Variants in ATL1 observed in about 807,000 individuals in gnomAD.
ATL1 encodes the protein atlastin GTPase 1, also known as atlastin-1.
A neutral mutation model predicts 75.5 loss-of-function variants in ATL1; 31 were observed. The observed-to-expected ratio is 0.41, with a 90% CI of 0.31 to 0.55. The LOEUF (loss-of-function observed/expected upper bound fraction) is 0.55, where lower values mean the gene tolerates loss of function less well. Among genes scored for constraint, ATL1 ranks in the 20% least tolerant of loss-of-function variants. ATL1 has a pLI of 0.27. For synonymous variants in ATL1, 226 were observed against 233.3 expected, an observed-to-expected ratio of 0.97 and a Z score of 0.28; for missense variants, 405 against 662.6, an observed-to-expected ratio of 0.61 and a Z score of 4.27.
At position 50,620,543 on chromosome 14, in the gene ATL1, G is replaced by C. The variant is rs892018155; in HGVS notation, c.863-56G>C. On this transcript the variant is annotated intron_variant, in intron 8 of 13. Transcript: ENST00000358385. The stretch of plus-strand genomic sequence containing the variant: ...AGATCAAAGGATGTTTTATTCTGTG[G>C]CATGGAGGACTGGGAAGGATTCCAA... The C allele has an allele frequency of 3.8e-6, 6 of 1,565,042 alleles. No homozygotes were observed. The African/African-American group carries it at 8.1e-5, about 21-fold the overall frequency.
chr14:50,586,311 C>G (rs901349905), intron 1 of ATL1, among the ~76,000 whole-genome samples: 5 of 152,182 alleles, frequency 3.3e-5, no homozygotes, highest in African/African-American at 7.2e-5. Context: ...TCTCACAGTT[C>G]TGGCAGCTGG....
At chr14:50,561,496 A>C (rs942101408) in intron 1 of ATL1, among the ~76,000 whole-genome samples, 3 of 152,210 alleles carry the variant, frequency 2.0e-5, no homozygotes, top group African/African-American at 7.2e-5. Flanking sequence ...TCTCAGTGAG[A>C]GCTCTTCTAT....
At chr14:50,593,022 A>G (rs1004078923) in intron 4 of ATL1, among the ~76,000 whole-genome samples, 1 of 150,638 alleles carries the variant, frequency 6.6e-6, no homozygotes, top group African/African-American at 2.4e-5. Context: ...ACAATATGAT[A>G]TTTTGAATAC....
intron 13 of ATL1, chr14:50,631,171 A>G: frequency 4.8e-6 from 1 of 210,196 alleles, no homozygotes; most frequent in Non-Finnish European, 9.7e-6. Flanking sequence ...GAGGCAAGAG[A>G]ATAGCTTGAA....
chr14:50,591,697 G>A (rs1245608108), intron 4 of ATL1, 58 bp downstream of exon 4: 11 of 1,177,666 alleles, frequency 9.3e-6, no homozygotes, highest in African/African-American at 1.5e-5. Flanking sequence ...GAGTATATGT[G>A]TTTCTACATA....
At chr14:50,534,030 G>C (rs1239239445) in intron 1 of ATL1, among the ~76,000 whole-genome samples, 1 of 152,142 alleles carries the variant, frequency 6.6e-6, no homozygotes, top group Non-Finnish European at 1.5e-5. Flanking sequence ...CACTTGTTTT[G>C]GTGGGCACAT....
At chr14:50,597,220 CAAAAAAA>C (rs372066395) in intron 6 of ATL1, among the ~76,000 whole-genome samples, 1 of 108,404 alleles carries the variant, frequency 9.2e-6, no homozygotes, top group Non-Finnish European at 1.8e-5. Context: ...AAAAAACAAA[CAAAAAAA>C]AAAAAAGAAA....
chr14:50,566,251 GC>G (rs58380273), intron 1 of ATL1, among the ~76,000 whole-genome samples: 119,671 of 152,060 alleles, frequency 0.79, 47,676 homozygotes, highest in African/African-American at 0.91. Flanking sequence ...ACCCACCTCA[GC>G]CCCCCAAAGT....
chr14:50,564,701 A>T (rs1835413552), intron 1 of ATL1, among the ~76,000 whole-genome samples: 1 of 150,480 alleles, frequency 6.6e-6, no homozygotes, highest in South Asian at 2.1e-4. Context: ...AAAAAGAACG[A>T]TAGTATTCGC....
intron 1 of ATL1, among the ~76,000 whole-genome samples, chr14:50,584,979 G>A (rs2140198827): frequency 6.6e-6 from 1 of 152,024 alleles, no homozygotes; most frequent in South Asian, 2.1e-4. Context: ...AATACATAAA[G>A]AACTACAAAT....
chr14:50,614,280 G>A (rs2039393773), intron 7 of ATL1, 93 bp from the exon 8 acceptor site: 1 of 1,381,542 alleles, frequency 7.2e-7, no homozygotes, highest in South Asian at 1.2e-5. Flanking sequence ...ATCATTGTGG[G>A]ACCAAACAGA....
At chr14:50,588,865 A>T (rs1225335068) in intron 2 of ATL1, among the ~76,000 whole-genome samples, 1 of 152,256 alleles carries the variant, frequency 6.6e-6, no homozygotes, top group African/African-American at 2.4e-5. Flanking sequence ...ATGCTAATTA[A>T]TAATAATCAC....
chr14:50,632,814 G>C lies in ATL1; in HGVS notation c.*475G>C, dbSNP rs111734056. On this transcript the variant is annotated 3_prime_UTR_variant, in exon 14 of 14. Coordinates refer to ENST00000358385, the MANE Select transcript of ATL1 (RefSeq NM_015915.5). ...ATATATATCACAATCTTATTTTTAA[G>C]CACATTTTAGAGTTCCTTAGTTGCT... The C allele has an allele frequency of 6.4e-6, 1 of 155,988 alleles. No individual in the cohort carries two copies. The highest frequency in any genetic ancestry group is 2.4e-5 in the African/African-American group (1 of 41,412). The allele number at this position is 155,988 out of a possible 1,614,324, so 9.7% of individuals were successfully genotyped here. A position where few individuals can be genotyped will look rare whatever the true frequency, so the allele number is the denominator to read the frequency against.
intron 6 of ATL1, among the ~76,000 whole-genome samples, chr14:50,609,476 A>AT (rs1207307245): frequency 1.3e-5 from 2 of 151,972 alleles, no homozygotes; most frequent in African/African-American, 4.8e-5. Context: ...GTATTAGAGC[A>AT]TTGAAAAAAT....
In ATL1 at chr14:50,632,699, T is replaced by C; in HGVS notation, c.*360T>C. ...CGTTTGGATATGCTCATTTAATTTC[T>C]ACAGAAAAAATTTTAAATTATTTCA... On this transcript the variant is annotated 3_prime_UTR_variant, in exon 14 of 14. Coordinates refer to ENST00000358385, the MANE Select transcript of ATL1 (RefSeq NM_015915.5). 4.8e-6 allele frequency: 1 copy of C among 208,792 alleles called. No homozygotes were observed. The highest frequency in any genetic ancestry group is 1.2e-4 in the East Asian group (1 of 8,564). 12.9% of individuals were successfully genotyped at this position (208,792 alleles called of 1,614,324 possible).
chr14:50,570,476 A>T (rs746807529), intron 1 of ATL1, among the ~76,000 whole-genome samples: 3 of 152,226 alleles, frequency 2.0e-5, no homozygotes, highest in East Asian at 3.8e-4. Flanking sequence ...CCTGGCCACA[A>T]GTGATCCTCT....
chr14:50,593,100 C>T (rs1444395673), intron 4 of ATL1, among the ~76,000 whole-genome samples: 5 of 151,588 alleles, frequency 3.3e-5, no homozygotes, highest in Non-Finnish European at 7.4e-5. Context: ...GTAAGCCATA[C>T]TTATACAAGC....
At chr14:50,567,285 T>C (rs1386250020) in intron 1 of ATL1, among the ~76,000 whole-genome samples, 1 of 152,214 alleles carries the variant, frequency 6.6e-6, no homozygotes, top group African/African-American at 2.4e-5. Context: ...TATTGTAGAA[T>C]ATATCACAAC....
intron 4 of ATL1, among the ~76,000 whole-genome samples, chr14:50,592,095 G>A (rs1359655353): frequency 6.6e-6 from 1 of 151,948 alleles, no homozygotes; most frequent in Non-Finnish European, 1.5e-5. Flanking sequence ...TGTACATTTA[G>A]GAAAGTAAAT....
Sources: gnomAD v4.1 joint callset for allele counts (sites outside exome capture counted in the v4.1 genomes callset) on GRCh38, gnomAD v4.1.1 for gene constraint, MANE v1.5 for transcripts, NCBI Gene and HGNC (gene_info 2026-07-23, HGNC 2026-07-21) for gene names.